WDPCP: variants seen among roughly 807,000 people sequenced by gnomAD.
The protein encoded by WDPCP is WD repeat-containing and planar cell polarity effector protein fritz homolog.
A neutral mutation model predicts 93.1 loss-of-function variants in WDPCP; 71 were observed. That is an observed-to-expected ratio of 0.76 (90% CI 0.63 to 0.93). The LOEUF (loss-of-function observed/expected upper bound fraction) is 0.93, where lower values mean the gene tolerates loss of function less well. Ranked by LOEUF, WDPCP falls within the 40% of genes least tolerant of loss-of-function variation. The probability of loss-of-function intolerance (pLI) is 0.00; values close to 1 mark genes in which losing one functional copy is unlikely to be tolerated. For synonymous variants in WDPCP, 315 were observed against 315.0 expected, an observed-to-expected ratio of 1.00 and a Z score of 0.00; for missense variants, 844 against 887.4, an observed-to-expected ratio of 0.95 and a Z score of 0.62.
At chr2:63,464,364 A>C (rs1020058907) in intron 6 of WDPCP, among the ~76,000 whole-genome samples, 1 of 152,162 alleles carries the variant, frequency 6.6e-6, no homozygotes, top group African/African-American at 2.4e-5. Flanking sequence ...AAAAACAAAC[A>C]ACAACAAATC....
At chr2:63,305,919 T>C (rs1685697408) in intron 13 of WDPCP, among the ~76,000 whole-genome samples, 1 of 152,076 alleles carries the variant, frequency 6.6e-6, no homozygotes, top group Non-Finnish European at 1.5e-5. Context: ...CTGAAGGAGA[T>C]AGAGACACAA....
At chr2:63,124,185 C>T (rs1669738669) in intron 17 of WDPCP, among the ~76,000 whole-genome samples, 1 of 150,416 alleles carries the variant, frequency 6.6e-6, no homozygotes, top group Admixed American at 6.7e-5. Flanking sequence ...AAATTTTAAG[C>T]TTCTGGATAA....
intron 7 of WDPCP, 48 bp from the exon 8 acceptor site, chr2:63,437,602 A>G (rs1488210537): frequency 1.3e-6 from 2 of 1,495,948 alleles, no homozygotes; most frequent in Non-Finnish European, 1.8e-6. Context: ...AATAATGAAT[A>G]GATTTTTCCA....
chr2:63,719,310 G>T (rs142638890), intron 2 of WDPCP, among the ~76,000 whole-genome samples: 1 of 152,296 alleles, frequency 6.6e-6, no homozygotes, highest in Non-Finnish European at 1.5e-5. Context: ...CCTGGGTGGT[G>T]CAGGGAGGGA....
At chr2:63,362,277 T>TGTGTGTGTGTG (rs1553362984) in intron 12 of WDPCP, among the ~76,000 whole-genome samples, 19 of 94,060 alleles carry the variant, frequency 2.0e-4, no homozygotes, top group Non-Finnish European at 2.6e-4. Context: ...TTTTTTTTGG[T>TGTGTGTGTGTG]TGTGTGTGTG....
At chr2:63,814,256 CTAGAGA>C (rs1232667133) in intron 1 of WDPCP, among the ~76,000 whole-genome samples, 3 of 151,764 alleles carry the variant, frequency 2.0e-5, no homozygotes, top group Non-Finnish European at 4.4e-5. Flanking sequence ...TCCTTTATAG[CTAGAGA>C]TAGTCATGTG....
chr2:63,819,130 A>T (rs1670982133), intron 1 of WDPCP, among the ~76,000 whole-genome samples: 1 of 152,166 alleles, frequency 6.6e-6, no homozygotes. Flanking sequence ...CTTAATTATG[A>T]CTTAATTAGG....
chr2:63,514,741 GGGTTTA>G (rs773699552), intron 1 of WDPCP, among the ~76,000 whole-genome samples: 4 of 152,122 alleles, frequency 2.6e-5, no homozygotes, highest in Non-Finnish European at 4.4e-5. Flanking sequence ...ATGAAAATAC[GGGTTTA>G]GGAGCCAACC....
chr2:63,802,228 T>C (rs1427298008), intron 2 of WDPCP, among the ~76,000 whole-genome samples: 3 of 129,950 alleles, frequency 2.3e-5, no homozygotes, highest in African/African-American at 9.0e-5. Flanking sequence ...GGCAGATCAC[T>C]TGCATCCAGG....
intron 17 of WDPCP, among the ~76,000 whole-genome samples, chr2:63,141,741 G>T (rs1292120079): frequency 6.6e-6 from 1 of 152,084 alleles, no homozygotes; most frequent in African/African-American, 2.4e-5. Flanking sequence ...TGTCTCCTGT[G>T]AATCCATCTG....
In WDPCP at chr2:63,121,428, A is replaced by AGGTTAGAG. The variant is rs1048896975; in HGVS notation, c.*570_*577dup. 1.6e-5 allele frequency: 2 copies of AGGTTAGAG among 122,898 alleles called. No individual in the cohort carries two copies. The highest frequency in any genetic ancestry group is 3.2e-5 in the Non-Finnish European group (2 of 62,870). The allele number at this position is 122,898 out of a possible 1,614,324, so 7.6% of individuals were successfully genotyped here. A position where few individuals can be genotyped will look rare whatever the true frequency, so the allele number is the denominator to read the frequency against. On this transcript the variant is annotated 3_prime_UTR_variant, in exon 18 of 18. Coordinates refer to ENST00000272321, the MANE Select transcript of WDPCP (RefSeq NM_015910.7). The stretch of plus-strand genomic sequence containing the variant: ...GAGACAGGGTCACTCTCTGTTGCCC[A>AGGTTAGAG]GGTTAGAGTGCAGTGGCGCGATCAC...
At chr2:63,802,720 C>T (rs1424003521) in intron 2 of WDPCP, among the ~76,000 whole-genome samples, 1 of 151,670 alleles carries the variant, frequency 6.6e-6, no homozygotes, top group Non-Finnish European at 1.5e-5. Flanking sequence ...TATTGTTAGT[C>T]TATATAGTAC....
At chr2:63,226,563 G>T (rs1678309238) in intron 14 of WDPCP, among the ~76,000 whole-genome samples, 1 of 151,692 alleles carries the variant, frequency 6.6e-6, no homozygotes, top group African/African-American at 2.4e-5. Context: ...CATACCACCT[G>T]ACATGAAAAT....
At chr2:63,568,376 A>G (rs1158063135) in intron 1 of WDPCP, among the ~76,000 whole-genome samples, 1 of 152,152 alleles carries the variant, frequency 6.6e-6, no homozygotes, top group Non-Finnish European at 1.5e-5. Context: ...CTCTCTCTCT[A>G]AAGAGCTCTA....
rs1352272890 is a variant in WDPCP, at chr2:63,338,567, AAAATATATATATATAT to A, written c.1749-25272_1749-25257del. 5.5e-4 allele frequency among the ~76,000 whole-genome samples: 6 copies of A among 10,988 alleles called. 1 individual carries two copies. Among genetic ancestry groups the A allele is most frequent in the Non-Finnish European group, 7.4e-4 (6 of 8,062 alleles). The allele number at this position is 10,988 out of a possible 152,430, so 7.2% of individuals were successfully genotyped here. ...AACTCCATCTAAAAAAAAAAAAAAAAAAATATATATATATATATATATATATATATATATATATATA... is the reference window on the plus strand; with the variant it reads ...AACTCCATCTAAAAAAAAAAAAAAAAATATATATATATATATATATATATA... On this transcript the variant is annotated intron_variant, in intron 12 of 17. Coordinates refer to ENST00000272321, the MANE Select transcript of WDPCP (RefSeq NM_015910.7).
rs565435608 is a variant in WDPCP at position 63,265,304 on chromosome 2, G to C, written c.1813-5895C>G. Among the ~76,000 whole-genome samples the C allele has an allele frequency of 3.3e-5, 5 of 152,098 alleles. No individual in the cohort carries two copies. In the Middle Eastern group the frequency reaches 0.01, roughly 310 times the overall value. On this transcript the variant is annotated intron_variant, in intron 13 of 17. Coordinates refer to ENST00000272321, the MANE Select transcript of WDPCP (RefSeq NM_015910.7). Reference sequence around the variant, plus strand: ...TTGGTAAACTAACAAAGAAAAAAGAGAAGATTCAAATAAAATCAGAAATGA... The same window carrying C: ...TTGGTAAACTAACAAAGAAAAAAGACAAGATTCAAATAAAATCAGAAATGA...
At chr2:63,504,767 C>T (rs1009971255) in intron 1 of WDPCP, among the ~76,000 whole-genome samples, 5 of 151,898 alleles carry the variant, frequency 3.3e-5, no homozygotes, top group African/African-American at 9.7e-5. Flanking sequence ...TTAGAAAGCT[C>T]TTGGAGAAAG....
chr2:63,244,640 C>A (rs1213006789), intron 14 of WDPCP, among the ~76,000 whole-genome samples: 1 of 152,108 alleles, frequency 6.6e-6, no homozygotes, highest in Non-Finnish European at 1.5e-5. Context: ...TTCCTGTAAA[C>A]ACACAACCTC....
At chr2:63,493,050 G>T in intron 1 of WDPCP, 110 bp from the exon 2 acceptor site, 3 of 905,106 alleles carry the variant, frequency 3.3e-6, no homozygotes, top group South Asian at 1.5e-5. Flanking sequence ...ACTGTTATTT[G>T]AAATATGGCC....
Sources: gnomAD v4.1 joint callset for allele counts (sites outside exome capture counted in the v4.1 genomes callset) on GRCh38, gnomAD v4.1.1 for gene constraint, MANE v1.5 for transcripts, NCBI Gene and HGNC (gene_info 2026-07-23, HGNC 2026-07-21) for gene names.